The following PLPPR1 variants were observed in gnomAD, a reference collection of about 807,000 sequenced individuals.
PLPPR1 encodes the protein phospholipid phosphatase related 1.
PLPPR1 carries 10 observed loss-of-function variants against 33.1 expected under a neutral mutation model. The observed-to-expected ratio is 0.30, with a 90% CI of 0.19 to 0.51. The LOEUF (loss-of-function observed/expected upper bound fraction) is 0.51, where lower values mean the gene tolerates loss of function less well. Among genes scored for constraint, PLPPR1 ranks in the 20% least tolerant of loss-of-function variants. The pLI is 0.97. For synonymous variants in PLPPR1, 151 were observed against 151.0 expected (o/e 1.00, Z 0.00); for missense variants, 304 against 408.1 (o/e 0.74, Z 2.20).
intron 1 of PLPPR1, among the ~76,000 whole-genome samples, chr9:101,075,664 C>T (rs933884781): frequency 6.6e-6 from 1 of 152,194 alleles, no homozygotes; most frequent in Admixed American, 6.5e-5. Flanking sequence ...CATTTATCCC[C>T]TAGTGCTACA....
At chr9:101,101,181 T>G (rs1209445025) in intron 1 of PLPPR1, among the ~76,000 whole-genome samples, 1 of 152,184 alleles carries the variant, frequency 6.6e-6, no homozygotes, top group African/African-American at 2.4e-5. Flanking sequence ...ATGGCAGTCA[T>G]GAATTCTTCT....
At chr9:101,031,305 A>G (rs1829942402) in intron 1 of PLPPR1, among the ~76,000 whole-genome samples, 1 of 152,184 alleles carries the variant, frequency 6.6e-6, no homozygotes, top group Non-Finnish European at 1.5e-5. Context: ...TTTTGATTAT[A>G]CTAGATTCTA....
intron 5 of PLPPR1, among the ~76,000 whole-genome samples, chr9:101,312,110 AAC>A (rs1487022840): frequency 1.3e-5 from 2 of 149,284 alleles, no homozygotes; most frequent in Non-Finnish European, 3.0e-5. Flanking sequence ...TATCTTGTGG[AAC>A]ACACAGAAAA....
intron 2 of PLPPR1, among the ~76,000 whole-genome samples, chr9:101,249,534 G>A (rs1168600119): frequency 6.6e-6 from 1 of 152,002 alleles, no homozygotes; most frequent in Non-Finnish European, 1.5e-5. Flanking sequence ...CATATAGCAT[G>A]TTTTTGTCAT....
intron 1 of PLPPR1, among the ~76,000 whole-genome samples, chr9:101,121,442 C>G (rs1831177435): frequency 6.6e-6 from 1 of 152,206 alleles, no homozygotes; most frequent in Admixed American, 6.5e-5. Flanking sequence ...GAATAGCTGT[C>G]TTTTCAACGC....
intron 1 of PLPPR1, among the ~76,000 whole-genome samples, chr9:101,176,720 G>A (rs747991298): frequency 1.3e-5 from 2 of 152,280 alleles, no homozygotes; most frequent in African/African-American, 2.4e-5. Flanking sequence ...GTGACATTCC[G>A]CCTCTACCCA....
intron 1 of PLPPR1, among the ~76,000 whole-genome samples, chr9:101,119,757 C>G (rs1020892657): frequency 1.3e-5 from 2 of 152,216 alleles, no homozygotes; most frequent in African/African-American, 4.8e-5. Flanking sequence ...AAGATAACCT[C>G]AATTGGCCTT....
At chr9:101,235,115 T>C (rs1827273754) in intron 2 of PLPPR1, among the ~76,000 whole-genome samples, 1 of 151,886 alleles carries the variant, frequency 6.6e-6, no homozygotes, top group African/African-American at 2.4e-5. Flanking sequence ...TAACAATCTT[T>C]CTATCCACGA....
intron 1 of PLPPR1, among the ~76,000 whole-genome samples, chr9:101,119,017 C>T (rs1831146796): frequency 6.6e-6 from 1 of 152,116 alleles, no homozygotes; most frequent in South Asian, 2.1e-4. Context: ...GCTTGGGGCT[C>T]AGAGAGTAAG....
intron 2 of PLPPR1, among the ~76,000 whole-genome samples, chr9:101,192,310 A>G (rs922032330): frequency 6.6e-6 from 1 of 152,228 alleles, no homozygotes; most frequent in Non-Finnish European, 1.5e-5. Context: ...CTAAAGAAGC[A>G]AAAGAGGCTT....
chr9:101,313,112 C>T (rs756752054), intron 6 of PLPPR1, 138 bp downstream of exon 6: 7 of 748,690 alleles, frequency 9.3e-6, no homozygotes, highest in Non-Finnish European at 1.5e-5. Flanking sequence ...AAGTATTATA[C>T]ATGCTTTTGC....
At chr9:101,080,931 C>T (rs557986085) in intron 1 of PLPPR1, among the ~76,000 whole-genome samples, 48 of 152,308 alleles carry the variant, frequency 3.2e-4, no homozygotes, top group African/African-American at 1.1e-3. Context: ...GCCGTATCAT[C>T]TTTCTCCCTT....
intron 2 of PLPPR1, among the ~76,000 whole-genome samples, chr9:101,206,707 T>G (rs956170221): frequency 6.6e-6 from 1 of 152,184 alleles, no homozygotes; most frequent in Non-Finnish European, 1.5e-5. Context: ...GGTTTTCCTG[T>G]TCATCTGTTG....
At chr9:101,239,002 G>A (rs950207508) in intron 2 of PLPPR1, among the ~76,000 whole-genome samples, 1 of 148,558 alleles carries the variant, frequency 6.7e-6, no homozygotes, top group Non-Finnish European at 1.5e-5. Flanking sequence ...TTCTGTGCCT[G>A]ACTTAACATA....
At chr9:101,272,070 C>T (rs1425001878) in intron 3 of PLPPR1, among the ~76,000 whole-genome samples, 4 of 151,944 alleles carry the variant, frequency 2.6e-5, no homozygotes, top group Non-Finnish European at 2.9e-5. Flanking sequence ...AAACTTAAGA[C>T]TTATTTAAGT....
At chr9:101,207,014 A>G (rs150113240) in intron 2 of PLPPR1, among the ~76,000 whole-genome samples, 9 of 152,274 alleles carry the variant, frequency 5.9e-5, no homozygotes, top group Admixed American at 1.3e-4. Flanking sequence ...ATAAACATGC[A>G]ATAAGTACTA....
rs572526669 is a variant in PLPPR1 at position 101,317,587 on chromosome 9, G to A, written c.945+91G>A. Reference sequence around the variant, plus strand: ...CCATGAATACCACTTAATCTACCCAGCATCAATGAGAATCTGATTAATTTA... The same window carrying A: ...CCATGAATACCACTTAATCTACCCAACATCAATGAGAATCTGATTAATTTA... On this transcript the variant is annotated intron_variant, in intron 7 of 7. Transcript: ENST00000374874. 2.5e-5 allele frequency: 31 copies of A among 1,247,980 alleles called. No homozygotes were observed. In the South Asian group the frequency reaches 4.9e-4, roughly 20 times the overall value. The allele number at this position is 1,247,980 out of a possible 1,614,324, so 77.3% of individuals were successfully genotyped here.
chr9:101,311,767 T>C (rs993288791), intron 5 of PLPPR1, among the ~76,000 whole-genome samples: 5 of 152,232 alleles, frequency 3.3e-5, no homozygotes, highest in African/African-American at 1.2e-4. Context: ...AACTTATATG[T>C]GCTCAGGCCA....
At chr9:101,090,725 A>ACAAACAAAC (rs1830731274) in intron 1 of PLPPR1, among the ~76,000 whole-genome samples, 1 of 26,670 alleles carries the variant, frequency 3.7e-5, no homozygotes. Flanking sequence ...CTCAAAACAA[A>ACAAACAAAC]CAAACAAACA....
Sources: gnomAD v4.1 joint callset for allele counts (sites outside exome capture counted in the v4.1 genomes callset) on GRCh38, gnomAD v4.1.1 for gene constraint, MANE v1.5 for transcripts, NCBI Gene and HGNC (gene_info 2026-07-23, HGNC 2026-07-21) for gene names.